Variants in ARNT2 observed in about 807,000 individuals in gnomAD.
ARNT2 encodes ARNT protein 2.
Under a neutral mutation model 91.7 loss-of-function variants are expected in ARNT2, and 36 were observed. The ratio of observed to expected loss-of-function variants is 0.39; its 90% CI spans 0.30 to 0.52. The LOEUF (loss-of-function observed/expected upper bound fraction) is 0.52, where lower values mean the gene tolerates loss of function less well. ARNT2 is among the 20% of genes least tolerant of loss of function. The pLI is 0.72. For missense variants in ARNT2, 775 were observed against 939.3 expected, an observed-to-expected ratio of 0.83 and a Z score of 2.29; for synonymous variants, 365 against 347.1, an observed-to-expected ratio of 1.05 and a Z score of -0.57.
intron 1 of ARNT2, among the ~76,000 whole-genome samples, chr15:80,423,849 A>G (rs1402379198): frequency 6.6e-6 from 1 of 152,128 alleles, no homozygotes; most frequent in Admixed American, 6.5e-5. Context: ...CAGACAGCCC[A>G]GTTCAAACTA....
At chr15:80,571,271 G>T (rs1208476972) in intron 12 of ARNT2, among the ~76,000 whole-genome samples, 1 of 152,222 alleles carries the variant, frequency 6.6e-6, no homozygotes, top group African/African-American at 2.4e-5. Flanking sequence ...CAAAAGAAAT[G>T]ATGTACTGGG....
intron 11 of ARNT2, among the ~76,000 whole-genome samples, chr15:80,557,778 C>G (rs907377699): frequency 2.0e-5 from 3 of 152,268 alleles, no homozygotes; most frequent in South Asian, 2.1e-4. Context: ...TCCTACCCCC[C>G]TGAACCAGAT....
Position 80,404,684 on chromosome 15 carries a change from A to C in ARNT2, c.31+138A>C. 2.3e-6 allele frequency: 1 copy of C among 439,684 alleles called. No homozygotes were observed. The highest frequency in any genetic ancestry group is 3.0e-6 in the Non-Finnish European group (1 of 328,504). 27.2% of individuals were successfully genotyped at this position (439,684 alleles called of 1,614,324 possible). On this transcript the variant is annotated intron_variant, in intron 1 of 18. Coordinates refer to ENST00000303329, the MANE Select transcript of ARNT2 (RefSeq NM_014862.4). This position sits in a 1 kb window ranked among gnomAD's most constrained non-coding sequence, Gnocchi z 5.5. The stretch of plus-strand genomic sequence containing the variant: ...GGTGGGTGGTGGAGCGGCTGTCACT[A>C]CGCGGCAGCCGCAGCATCAGCACCA...
chr15:80,593,482 TG>T, intron 18 of ARNT2, 117 bp from the exon 19 acceptor site: 1 of 760,674 alleles, frequency 1.3e-6, no homozygotes, highest in Non-Finnish European at 2.1e-6. Context: ...GGAGGACCTC[TG>T]GGCTGCCCCT....
intron 1 of ARNT2, among the ~76,000 whole-genome samples, chr15:80,441,790 T>C (rs186960120): frequency 6.6e-6 from 1 of 152,390 alleles, no homozygotes; most frequent in Non-Finnish European, 1.5e-5. Flanking sequence ...AAATAGTCTG[T>C]AGCTAGATGC....
chr15:80,564,901 T>C (rs1303236787), intron 12 of ARNT2, among the ~76,000 whole-genome samples: 4 of 148,494 alleles, frequency 2.7e-5, no homozygotes, highest in Non-Finnish European at 5.9e-5. Context: ...GTCATTTATG[T>C]ACCACATTTT....
intron 1 of ARNT2, among the ~76,000 whole-genome samples, chr15:80,424,895 A>C (rs1002926745): frequency 6.6e-6 from 1 of 152,218 alleles, no homozygotes; most frequent in Admixed American, 6.5e-5. Context: ...GGGGCTGCCT[A>C]TATCTATGGC....
In ARNT2 at chr15:80,526,779, C is replaced by G. The variant is rs116212278; in HGVS notation, c.877+12374C>G. On this transcript the variant is annotated intron_variant, in intron 8 of 18. Transcript: ENST00000303329. ...GGTTTTGGCTAGAATCTGCTATGGT[C>G]AGGCCAGTGCTGTCACTTCACCAGA... 4.2e-3 allele frequency among the ~76,000 whole-genome samples: 643 copies of G among 152,368 alleles called. 3 individuals carry two copies. The highest frequency in any genetic ancestry group is 0.014 in the African/African-American group (579 of 41,598).
intron 1 of ARNT2, among the ~76,000 whole-genome samples, chr15:80,416,290 A>C (rs776061380): frequency 6.7e-6 from 1 of 149,852 alleles, no homozygotes; most frequent in Non-Finnish European, 1.5e-5. Context: ...TGGCTTTATC[A>C]GTTTTTTTTT....
intron 1 of ARNT2, among the ~76,000 whole-genome samples, chr15:80,407,613 G>A (rs1895619162): frequency 6.6e-6 from 1 of 152,098 alleles, no homozygotes; most frequent in African/African-American, 2.4e-5. Context: ...CACTGAAACT[G>A]TTGTATTGGC....
intron 8 of ARNT2, among the ~76,000 whole-genome samples, chr15:80,534,098 A>G (rs563506319): frequency 1.3e-5 from 2 of 152,364 alleles, no homozygotes; most frequent in East Asian, 3.9e-4. Context: ...AAATTTGGAA[A>G]GAAATGTTCC....
At chr15:80,496,613 A>G (rs1381879183) in intron 5 of ARNT2, among the ~76,000 whole-genome samples, 1 of 152,206 alleles carries the variant, frequency 6.6e-6, no homozygotes, top group Non-Finnish European at 1.5e-5. Context: ...GAACCAGGAA[A>G]GAGGAGACGT....
Position 80,456,225 on chromosome 15 carries a change from A to T in ARNT2, c.147-1704A>T, listed in dbSNP as rs897066771. ...TGCCTGGTTTCCCAAACTACCTTGC[A>T]GAGGTGTGTGTCTGTCTCTCTTAGT... On this transcript the variant is annotated intron_variant, in intron 2 of 18. Transcript: ENST00000303329. Among the ~76,000 whole-genome samples the T allele has an allele frequency of 9.2e-5, 14 of 152,126 alleles. No individual in the cohort carries two copies. The East Asian group carries it at 2.7e-3, about 29-fold the overall frequency.
At chr15:80,434,898 G>A (rs74423609) in intron 1 of ARNT2, among the ~76,000 whole-genome samples, 2,128 of 152,224 alleles carry the variant, frequency 0.014, 47 homozygotes, top group African/African-American at 0.049. Context: ...GGTCCTGGGC[G>A]CAGGGTGGGT....
At chr15:80,566,304 G>C in intron 12 of ARNT2, among the ~76,000 whole-genome samples, 1 of 152,094 alleles carries the variant, frequency 6.6e-6, no homozygotes, top group African/African-American at 2.4e-5. Flanking sequence ...AGAGACACCA[G>C]GACCCTCCTG....
chr15:80,571,873 G>A (rs917367055), intron 12 of ARNT2, among the ~76,000 whole-genome samples: 2 of 152,194 alleles, frequency 1.3e-5, no homozygotes, highest in Admixed American at 6.5e-5. Context: ...TTGCCAGTTG[G>A]CCAACTTTGA....
intron 13 of ARNT2, 148 bp downstream of exon 13, chr15:80,574,368 TG>T (rs1350460033): frequency 2.7e-6 from 2 of 734,216 alleles, no homozygotes; most frequent in Admixed American, 2.4e-5. Flanking sequence ...ACAGGTCCCC[TG>T]GGGGTCTGCT....
chr15:80,502,319 C>A (rs532415140), intron 5 of ARNT2, among the ~76,000 whole-genome samples: 1 of 152,164 alleles, frequency 6.6e-6, no homozygotes, highest in Non-Finnish European at 1.5e-5. Flanking sequence ...AGGAGGAAAG[C>A]GTGCTCAGAA....
chr15:80,597,249 A>G lies in ARNT2; in HGVS notation c.*3551A>G, dbSNP rs1179895062. ...CAGCACTTTAGGCAGCCCATAAGCT[A>G]TGCGAGAATGTGAACGCTCACCTTG... On this transcript the variant is annotated 3_prime_UTR_variant, in exon 19 of 19. Coordinates refer to ENST00000303329, the MANE Select transcript of ARNT2 (RefSeq NM_014862.4). 1.9e-6 allele frequency: 1 copy of G among 518,472 alleles called. No homozygotes were observed. Among genetic ancestry groups the G allele is most frequent in the Non-Finnish European group, 3.8e-6 (1 of 259,810 alleles). 32.1% of individuals were successfully genotyped at this position (518,472 alleles called of 1,614,324 possible).
Sources: allele counts gnomAD v4.1 joint callset (sites outside exome capture counted in the v4.1 genomes callset), GRCh38; gene constraint gnomAD v4.1.1; non-coding constraint Gnocchi (gnomAD v3.1); transcripts MANE v1.5; gene names NCBI Gene and HGNC (gene_info 2026-07-23, HGNC 2026-07-21).